NELL1: variants seen among roughly 807,000 people sequenced by gnomAD.
The protein encoded by NELL1 is neural EGFL like 1, also known as protein kinase C-binding protein NELL1.
Under a neutral mutation model 107.4 loss-of-function variants are expected in NELL1, and 76 were observed. The ratio of observed to expected loss-of-function variants is 0.71; its 90% CI spans 0.59 to 0.86. The LOEUF is 0.86. NELL1 is among the 40% of genes least tolerant of loss of function. NELL1 has a pLI of 0.00. For missense variants in NELL1, 1,024 were observed against 1,005.5 expected (o/e 1.02, Z -0.25); for synonymous variants, 353 against 341.2 (o/e 1.03, Z -0.38).
At position 20,812,283 on chromosome 11, in the gene NELL1, A is replaced by C. The variant is rs144110725; in HGVS notation, c.335+28453A>C. ...AACCATCCTTGCATCCCTGGGATGA[A>C]TCCTACTTGATAATGGTGAAGGATC... On this transcript the variant is annotated intron_variant, in intron 3 of 19. Coordinates refer to ENST00000357134, the MANE Select transcript of NELL1 (RefSeq NM_006157.5). 2.6e-5 allele frequency among the ~76,000 whole-genome samples: 4 copies of C among 152,280 alleles called. No homozygotes were observed. The East Asian group carries it at 7.7e-4, about 29-fold the overall frequency.
At chr11:21,102,103 T>A (rs1346064640) in intron 12 of NELL1, among the ~76,000 whole-genome samples, 1 of 152,176 alleles carries the variant, frequency 6.6e-6, no homozygotes, top group Non-Finnish European at 1.5e-5. Flanking sequence ...TCCACCCACC[T>A]CAGCCTCCCA....
rs531334221 is a variant in NELL1 at position 20,762,916 on chromosome 11, C to CA, written c.185-20764_185-20763insA. On this transcript the variant is annotated intron_variant, in intron 2 of 19. Transcript: ENST00000357134. ...CTACAGATGTTGTGGGACAGCAGCA[C>CA]GGGGTTGAAGAAAGACACTCGTCCT... is the stretch of plus-strand genomic sequence containing the variant. 2.8e-3 allele frequency among the ~76,000 whole-genome samples: 428 copies of CA among 152,024 alleles called. 1 individual carries two copies. Among genetic ancestry groups the CA allele is most frequent in the Middle Eastern group, 6.8e-3 (2 of 294 alleles).
chr11:21,401,205 T>A (rs1267442575), intron 15 of NELL1, among the ~76,000 whole-genome samples: 1 of 147,810 alleles, frequency 6.8e-6, no homozygotes, highest in African/African-American at 2.4e-5. Context: ...AACATAAGAT[T>A]TTTTTTATTG....
At chr11:21,445,779 A>G (rs1853410437) in intron 15 of NELL1, among the ~76,000 whole-genome samples, 1 of 152,052 alleles carries the variant, frequency 6.6e-6, no homozygotes, top group African/African-American at 2.4e-5. Flanking sequence ...GAAAACATTT[A>G]TTTTTCCTTC....
At chr11:21,229,282 A>T (rs1332454737) in intron 13 of NELL1, 50 bp from the exon 14 acceptor site, 2 of 1,607,064 alleles carry the variant, frequency 1.2e-6, no homozygotes, top group South Asian at 2.2e-5. Context: ...AATACCAGTA[A>T]TTCCAACTTA....
chr11:20,707,094 G>A (rs781047645), intron 2 of NELL1, among the ~76,000 whole-genome samples: 22 of 151,952 alleles, frequency 1.4e-4, no homozygotes, highest in African/African-American at 4.4e-4. Context: ...TTCTCTTCTC[G>A]CTTCATTTCA....
chr11:21,239,522 G>A (rs1180755587), intron 14 of NELL1, among the ~76,000 whole-genome samples: 3 of 152,024 alleles, frequency 2.0e-5, no homozygotes, highest in African/African-American at 7.2e-5. Context: ...GTGAGACTCA[G>A]ATCAGTATTC....
intron 15 of NELL1, among the ~76,000 whole-genome samples, chr11:21,443,709 G>T (rs1446537422): frequency 6.6e-6 from 1 of 151,872 alleles, no homozygotes; most frequent in Non-Finnish European, 1.5e-5. Flanking sequence ...CCACTTGGGT[G>T]TGGTGGTATG....
At chr11:21,261,190 CTT>C (rs557275008) in intron 14 of NELL1, among the ~76,000 whole-genome samples, 2 of 141,940 alleles carry the variant, frequency 1.4e-5, no homozygotes, top group African/African-American at 2.6e-5. Context: ...ATGAAATGGC[CTT>C]TTTTTTTTTT....
chr11:21,122,301 A>C (rs960517189), intron 13 of NELL1, among the ~76,000 whole-genome samples: 3 of 152,142 alleles, frequency 2.0e-5, no homozygotes, highest in Non-Finnish European at 1.5e-5. Flanking sequence ...CTCATAAAGG[A>C]GTTTCATTAA....
intron 12 of NELL1, among the ~76,000 whole-genome samples, chr11:21,080,013 A>G (rs2133667378): frequency 6.6e-6 from 1 of 152,198 alleles, no homozygotes; most frequent in South Asian, 2.1e-4. Flanking sequence ...TGTGTGATTC[A>G]TTACTACATT....
chr11:20,696,914 T>C (rs550781873), intron 2 of NELL1, among the ~76,000 whole-genome samples: 12 of 152,280 alleles, frequency 7.9e-5, no homozygotes, highest in African/African-American at 2.9e-4. Flanking sequence ...AATAGCTGAA[T>C]TGTTTATAGC....
intron 13 of NELL1, chr11:21,169,890 A>G (rs1554975997): frequency 1.4e-6 from 2 of 1,441,132 alleles, no homozygotes; most frequent in Admixed American, 1.7e-5. Flanking sequence ...GCACTGGCAG[A>G]TGTCCCCAGG....
chr11:21,076,622 T>A (rs183001798), intron 12 of NELL1, among the ~76,000 whole-genome samples: 1 of 152,292 alleles, frequency 6.6e-6, no homozygotes, highest in Admixed American at 6.5e-5. Context: ...TTGCTATAAT[T>A]TGGATGCTTG....
chr11:21,295,728 A>G (rs1334156876), intron 14 of NELL1, among the ~76,000 whole-genome samples: 2 of 152,020 alleles, frequency 1.3e-5, no homozygotes, highest in Non-Finnish European at 2.9e-5. Context: ...CTTGCATAAC[A>G]TTGGAACTCA....
chr11:20,843,649 A>G lies in NELL1; in HGVS notation c.336-3934A>G, dbSNP rs554840658. ...ATATAAAATTTTATTATAAATATAT[A>G]AATATAAAATTATATTATATATTTT... On this transcript the variant is annotated intron_variant, in intron 3 of 19. Transcript: ENST00000357134. 6.1e-5 allele frequency among the ~76,000 whole-genome samples: 9 copies of G among 147,544 alleles called. No homozygotes were observed. The South Asian group carries it at 1.5e-3, about 24-fold the overall frequency.
intron 12 of NELL1, among the ~76,000 whole-genome samples, chr11:20,984,607 T>A (rs1851814887): frequency 6.6e-6 from 1 of 152,158 alleles, no homozygotes; most frequent in African/African-American, 2.4e-5. Context: ...TCTTTACATT[T>A]TTCCTAGCCT....
At chr11:20,937,160 T>C (rs1280677789) in intron 9 of NELL1, among the ~76,000 whole-genome samples, 1 of 152,170 alleles carries the variant, frequency 6.6e-6, no homozygotes, top group Non-Finnish European at 1.5e-5. Flanking sequence ...AGGAGCTCCG[T>C]TTATGTTTCT....
rs181240595 is a variant in NELL1, at chr11:21,569,691, C to T, written c.1981-1073C>T. Among the ~76,000 whole-genome samples, 1,023 of 151,776 alleles carry T rather than the reference C, an allele frequency of 6.7e-3. 15 individuals carry two copies. The highest frequency in any genetic ancestry group is 0.023 in the African/African-American group (953 of 41,460). On this transcript the variant is annotated intron_variant, in intron 17 of 19. Transcript: ENST00000357134. ...TCTGTTATTACTGAAGGTATGGATT[C>T]GGGTCAATGGATAGAAGTAATGAGA...
Sources: allele counts gnomAD v4.1 joint callset (sites outside exome capture counted in the v4.1 genomes callset), GRCh38; gene constraint gnomAD v4.1.1; transcripts MANE v1.5; gene names NCBI Gene and HGNC (gene_info 2026-07-23, HGNC 2026-07-21).